JAG1: variants seen among roughly 807,000 people sequenced by gnomAD.
The protein encoded by JAG1 is protein jagged-1.
JAG1 carries 23 observed loss-of-function variants against 148.7 expected under a neutral mutation model. The ratio of observed to expected loss-of-function variants is 0.15; its 90% CI spans 0.11 to 0.22. JAG1 has a LOEUF of 0.22. Among genes scored for constraint, JAG1 ranks in the 10% least tolerant of loss-of-function variants. The pLI is 1.00. For synonymous variants in JAG1, 572 were observed against 598.3 expected, an observed-to-expected ratio of 0.96 and a Z score of 0.64; for missense variants, 1,054 against 1,611.2, an observed-to-expected ratio of 0.65 and a Z score of 5.92.
intron 14 of JAG1, 89 bp from the exon 15 acceptor site, chr20:10,646,173 G>A (rs2067307184): frequency 3.4e-6 from 3 of 887,440 alleles, no homozygotes; most frequent in Non-Finnish European, 5.6e-6. Context: ...GCTCCCTCCT[G>A]ACACAATGCA....
At chr20:10,672,309 C>T (rs1217882055) in intron 2 of JAG1, among the ~76,000 whole-genome samples, 1 of 152,206 alleles carries the variant, frequency 6.6e-6, no homozygotes, top group African/African-American at 2.4e-5. Flanking sequence ...CAGAACTGCG[C>T]CGAGTCGCCT....
Position 10,639,361 on chromosome 20 carries a change from T to A in JAG1, c.*137A>T. 1.2e-6 allele frequency: 1 copy of A among 847,838 alleles called. No homozygotes were observed. Among genetic ancestry groups the A allele is most frequent in the Non-Finnish European group, 2.0e-6 (1 of 490,304 alleles). 52.5% of individuals were successfully genotyped at this position (847,838 alleles called of 1,614,324 possible). A position where few individuals can be genotyped will look rare whatever the true frequency, so the allele number is the denominator to read the frequency against. On this transcript the variant is annotated 3_prime_UTR_variant, in exon 26 of 26. Transcript: ENST00000254958. ...CAACCACAGAAACTACCATTGCCAG[T>A]GTAAGCCAGCTTGTCAAAACTTAAA...
At chr20:10,653,737 G>A (rs894151303) in intron 5 of JAG1, among the ~76,000 whole-genome samples, 2 of 152,072 alleles carry the variant, frequency 1.3e-5, no homozygotes, top group African/African-American at 4.8e-5. Context: ...AAAGGCTTTC[G>A]GTTTCCCAAG....
chr20:10,665,707 G>A (rs893548082), intron 2 of JAG1, among the ~76,000 whole-genome samples: 1 of 152,158 alleles, frequency 6.6e-6, no homozygotes, highest in Non-Finnish European at 1.5e-5. Flanking sequence ...CAGTATTGTT[G>A]TAATTAATCC....
chr20:10,643,922 A>C, intron 19 of JAG1, 59 bp from the exon 20 acceptor site: 1 of 1,269,630 alleles, frequency 7.9e-7, no homozygotes, highest in Non-Finnish European at 1.1e-6. Flanking sequence ...CTGGCTGCCA[A>C]TCACTCACAT....
rs35826283 is a variant in JAG1 at position 10,659,559 on chromosome 20, C to CTTTTTTTTTTT, written c.440-848_440-838dup. ...GGAAGCCAAGGAGACGATTAAGTTA[C>CTTTTTTTTTTT]TTTTTTTTTTTTTTTTTTTTTTTTT... On this transcript the variant is annotated intron_variant, in intron 3 of 25. Coordinates refer to ENST00000254958, the MANE Select transcript of JAG1 (RefSeq NM_000214.3). 1.7e-3 allele frequency among the ~76,000 whole-genome samples: 175 copies of CTTTTTTTTTTT among 105,146 alleles called. 43 individuals are homozygous for CTTTTTTTTTTT. Among genetic ancestry groups the CTTTTTTTTTTT allele is most frequent in the African/African-American group, 5.5e-3 (149 of 27,206 alleles). 69.0% of individuals were successfully genotyped at this position (105,146 alleles called of 152,430 possible).
intron 5 of JAG1, among the ~76,000 whole-genome samples, chr20:10,653,572 C>T (rs931949501): frequency 1.7e-4 from 8 of 47,220 alleles, no homozygotes; most frequent in Non-Finnish European, 2.9e-4. Context: ...CCCGGTGGAG[C>T]GTGGAGGGTG....
chr20:10,650,909 G>A (rs1378911543), intron 8 of JAG1: 1 of 163,016 alleles, frequency 6.1e-6, no homozygotes, highest in African/African-American at 2.4e-5. Flanking sequence ...ATTTAAAGAG[G>A]GCCCGGGGAG....
Position 10,639,652 on chromosome 20 carries a change from G to A in JAG1, c.3503C>T (p.Ala1168Val). ...EDDMDKHQQK[A>V]RFAKQPAYTL... Reference sequence around the variant, plus strand: ...GTACGCCGGCTGCTTGGCAAACCGGGCTTTCTGCTGGTGTTTGTCCATGTC... The same window carrying A: ...GTACGCCGGCTGCTTGGCAAACCGGACTTTCTGCTGGTGTTTGTCCATGTC... The change falls in exon 26 of 26, where the codon GCC (alanine) becomes GTC (valine). Residue 1168 changes from alanine (A) to valine (V), a missense_variant. Transcript: ENST00000254958. 1.2e-6 allele frequency: 2 copies of A among 1,614,218 alleles called. No homozygotes were observed. The highest frequency in any genetic ancestry group is 2.2e-5 in the South Asian group (2 of 91,080).
chr20:10,665,123 C>T (rs912532129), intron 2 of JAG1, among the ~76,000 whole-genome samples: 8 of 152,200 alleles, frequency 5.3e-5, no homozygotes, highest in Non-Finnish European at 8.8e-5. Flanking sequence ...TTAAATAATA[C>T]CGTGCTGTGC....
chr20:10,653,319 C>T (rs1014860715), intron 5 of JAG1, among the ~76,000 whole-genome samples: 3 of 147,440 alleles, frequency 2.0e-5, no homozygotes, highest in Non-Finnish European at 4.5e-5. Flanking sequence ...CTAGTATTGG[C>T]GGAGTTGAGG....
chr20:10,667,920 C>G (rs1482595672), intron 2 of JAG1, among the ~76,000 whole-genome samples: 1 of 152,072 alleles, frequency 6.6e-6, no homozygotes, highest in Admixed American at 6.5e-5. Flanking sequence ...CAGAGCAAGC[C>G]TGAACAAGAA....
intron 2 of JAG1, among the ~76,000 whole-genome samples, chr20:10,666,538 C>T (rs1249253567): frequency 6.6e-6 from 1 of 152,168 alleles, no homozygotes; most frequent in Non-Finnish European, 1.5e-5. Flanking sequence ...ACAACAACAA[C>T]AAAAGCAAAT....
In JAG1 at chr20:10,645,817, C is replaced by T. The variant is rs1158064164; in HGVS notation, c.1999+154G>A. 2.8e-6 allele frequency: 2 copies of T among 708,306 alleles called. No individual in the cohort carries two copies. Among genetic ancestry groups the T allele is most frequent in the Non-Finnish European group, 5.1e-6 (2 of 391,460 alleles). The allele number at this position is 708,306 out of a possible 1,614,324, so 43.9% of individuals were successfully genotyped here. ...AAGCTATCATCAGGACTCATAAATGCAAATGAGACACAAGTGATACTGTCC... is the reference window on the plus strand; with the variant it reads ...AAGCTATCATCAGGACTCATAAATGTAAATGAGACACAAGTGATACTGTCC... On this transcript the variant is annotated intron_variant, in intron 15 of 25. Coordinates refer to ENST00000254958, the MANE Select transcript of JAG1 (RefSeq NM_000214.3). The surrounding 1 kb of genome is among the most constrained non-coding windows in gnomAD (Gnocchi z 6.1).
Position 10,644,843 on chromosome 20 carries a change from C to T in JAG1, c.2344+20G>A. 6.4e-7 allele frequency: 1 copy of T among 1,566,762 alleles called. No homozygotes were observed. Among genetic ancestry groups the T allele is most frequent in the Middle Eastern group, 1.7e-4 (1 of 5,936 alleles). On this transcript the variant is annotated intron_variant, in intron 18 of 25. Coordinates refer to ENST00000254958, the MANE Select transcript of JAG1 (RefSeq NM_000214.3). ...CTGCTCCGACAGCCCTGGGAGAGTTCAAGGGGGGAGGACACTCACTCTGAG... is the reference window on the plus strand; with the variant it reads ...CTGCTCCGACAGCCCTGGGAGAGTTTAAGGGGGGAGGACACTCACTCTGAG...
chr20:10,649,659 T>A, intron 9 of JAG1, 24 bp from the exon 10 acceptor site: 1 of 1,436,886 alleles, frequency 7.0e-7, no homozygotes, highest in Non-Finnish European at 9.8e-7. Context: ...GGGATGAGCA[T>A]GAGAAATGAA....
intron 2 of JAG1, among the ~76,000 whole-genome samples, chr20:10,666,549 ACCTGGGTTTTT>A (rs924151888): frequency 6.6e-6 from 1 of 152,100 alleles, no homozygotes; most frequent in Non-Finnish European, 1.5e-5. Context: ...AAAAGCAAAT[ACCTGGGTTTTT>A]CTTGATTTCA....
Position 10,666,111 on chromosome 20 carries a change from T to C in JAG1, c.388-2097A>G, listed in dbSNP as rs925867519. ...CAAAGCCTGGACTTTTTTTCCTGTC[T>C]GTTTCAGGGAGGGGATTAGGGTCTC... On this transcript the variant is annotated intron_variant, in intron 2 of 25. Coordinates refer to ENST00000254958, the MANE Select transcript of JAG1 (RefSeq NM_000214.3). 3.9e-5 allele frequency among the ~76,000 whole-genome samples: 6 copies of C among 152,088 alleles called. No homozygotes were observed. In the South Asian group the frequency reaches 6.2e-4, roughly 16 times the overall value.
At position 10,639,291 on chromosome 20, in the gene JAG1, C is replaced by G; in HGVS notation, c.*207G>C. 1.6e-6 allele frequency: 1 copy of G among 643,712 alleles called. No individual in the cohort carries two copies. Among genetic ancestry groups the G allele is most frequent in the Non-Finnish European group, 2.8e-6 (1 of 352,244 alleles). The allele number at this position is 643,712 out of a possible 1,614,324, so 39.9% of individuals were successfully genotyped here. ...GGACACACAACCAGGGTACTGTTGA[C>G]TAGCTTTTTGCATAGCTGTGAGATG... is the stretch of plus-strand genomic sequence containing the variant. On this transcript the variant is annotated 3_prime_UTR_variant, in exon 26 of 26. Transcript: ENST00000254958.
Sources: gnomAD v4.1 joint callset for allele counts (sites outside exome capture counted in the v4.1 genomes callset) on GRCh38, gnomAD v4.1.1 for gene constraint, Gnocchi (gnomAD v3.1) non-coding constraint, MANE v1.5 for transcripts, NCBI Gene and HGNC (gene_info 2026-07-23, HGNC 2026-07-21) for gene names.